The following HDAC9 variants were observed in gnomAD, a reference collection of about 807,000 sequenced individuals.
HDAC9 encodes histone deacetylase 9.
A neutral mutation model predicts 139.4 loss-of-function variants in HDAC9; 41 were observed. The ratio of observed to expected loss-of-function variants is 0.29; its 90% CI spans 0.23 to 0.38. The LOEUF (loss-of-function observed/expected upper bound fraction) is 0.38, where lower values mean the gene tolerates loss of function less well. HDAC9 is among the 10% of genes least tolerant of loss of function. HDAC9 has a pLI of 1.00. For missense variants in HDAC9, 1,147 were observed against 1,297.0 expected, an observed-to-expected ratio of 0.88 and a Z score of 1.78; for synonymous variants, 517 against 476.2, an observed-to-expected ratio of 1.09 and a Z score of -1.12.
At chr7:18,263,904 C>T (rs184593031) in intron 2 of HDAC9, among the ~76,000 whole-genome samples, 141 of 152,222 alleles carry the variant, frequency 9.3e-4, no homozygotes, top group Non-Finnish European at 1.7e-3. Flanking sequence ...CAGGTGTAAG[C>T]CACCACGTGG....
At chr7:18,872,949 C>T (rs896730582) in intron 21 of HDAC9, among the ~76,000 whole-genome samples, 1 of 152,116 alleles carries the variant, frequency 6.6e-6, no homozygotes, top group Non-Finnish European at 1.5e-5. Flanking sequence ...CATCCATTCT[C>T]TAAAGGAGTA....
In HDAC9 at chr7:18,342,050, A is replaced by G. The variant is rs117889281; in HGVS notation, c.-42+51535A>G. 6.5e-3 allele frequency among the ~76,000 whole-genome samples: 984 copies of G among 151,920 alleles called. 7 individuals carry two copies. Among genetic ancestry groups the G allele is most frequent in the Admixed American group, 0.012 (180 of 15,186 alleles). On this transcript the variant is annotated intron_variant, in intron 1 of 3. Coordinates refer to the HDAC9 transcript ENST00000413509. ...CATTTCTAGCTTTTTGTGACCATAA[A>G]GAACTATTACCTTTAATTCTTTAGG...
At chr7:18,577,631 CTTTTTA>C (rs1826400612) in intron 2 of HDAC9, among the ~76,000 whole-genome samples, 1 of 152,256 alleles carries the variant, frequency 6.6e-6, no homozygotes. Context: ...CCACATTATA[CTTTTTA>C]TTTTTATTTC....
At chr7:18,414,351 T>C (rs1294530704) in intron 1 of HDAC9, among the ~76,000 whole-genome samples, 1 of 151,314 alleles carries the variant, frequency 6.6e-6, no homozygotes, top group African/African-American at 2.4e-5. Context: ...TTTTTTCTTA[T>C]CAAATAATAG....
chr7:18,310,809 TACACACACACACACACAC>T (rs71847714), intron 1 of HDAC9, among the ~76,000 whole-genome samples: 1 of 143,132 alleles, frequency 7.0e-6, no homozygotes, highest in Non-Finnish European at 1.5e-5. Flanking sequence ...ACAAATCCAT[TACACACACACACACACAC>T]ACACACACAC....
At chr7:18,810,891 G>A (rs1374353265) in intron 17 of HDAC9, among the ~76,000 whole-genome samples, 1 of 151,680 alleles carries the variant, frequency 6.6e-6, no homozygotes, top group Admixed American at 6.6e-5. Flanking sequence ...GAACTAATTT[G>A]TTGATTCATT....
intron 22 of HDAC9, among the ~76,000 whole-genome samples, chr7:18,874,969 A>T (rs1799209789): frequency 6.6e-6 from 1 of 152,204 alleles, no homozygotes; most frequent in South Asian, 2.1e-4. Flanking sequence ...GTTCCATTGT[A>T]CATGGGATAA....
chr7:18,852,553 G>A (rs1230535617), intron 21 of HDAC9, among the ~76,000 whole-genome samples: 3 of 152,192 alleles, frequency 2.0e-5, no homozygotes, highest in Non-Finnish European at 4.4e-5. Flanking sequence ...ATGTGAGTGA[G>A]GGACTTTGAA....
At chr7:18,514,445 T>C (rs182477951) in intron 2 of HDAC9, among the ~76,000 whole-genome samples, 34 of 152,340 alleles carry the variant, frequency 2.2e-4, no homozygotes, top group East Asian at 1.2e-3. Flanking sequence ...CAATTTAAAA[T>C]TGTATTTCAC....
At chr7:18,714,020 G>C (rs1319680298) in intron 12 of HDAC9, among the ~76,000 whole-genome samples, 1 of 152,136 alleles carries the variant, frequency 6.6e-6, no homozygotes, top group African/African-American at 2.4e-5. Flanking sequence ...AATTAGATTA[G>C]TCTTTTTTGC....
chr7:18,631,542 G>A (rs151314286), intron 7 of HDAC9, among the ~76,000 whole-genome samples: 2 of 151,896 alleles, frequency 1.3e-5, no homozygotes, highest in Non-Finnish European at 2.9e-5. Context: ...GAGCAGTTCA[G>A]TTGCTTTTGC....
chr7:18,607,524 C>G (rs1268687888), intron 6 of HDAC9, among the ~76,000 whole-genome samples: 1 of 152,080 alleles, frequency 6.6e-6, no homozygotes, highest in African/African-American at 2.4e-5. Context: ...TGACATGGGT[C>G]TCAGTACATA....
intron 14 of HDAC9, among the ~76,000 whole-genome samples, chr7:18,753,368 A>G (rs959852705): frequency 1.8e-4 from 27 of 152,086 alleles, no homozygotes; most frequent in African/African-American, 6.0e-4. Context: ...AGAGGAGGTA[A>G]TGTTACATGT....
chr7:18,400,377 G>A (rs576091146), intron 1 of HDAC9, among the ~76,000 whole-genome samples: 8 of 152,282 alleles, frequency 5.3e-5, no homozygotes, highest in Admixed American at 5.2e-4. Flanking sequence ...GATTGACAGG[G>A]AAGAGGACAT....
chr7:18,104,354 C>A (rs978579944), intron 1 of HDAC9, among the ~76,000 whole-genome samples: 8 of 151,934 alleles, frequency 5.3e-5, no homozygotes, highest in African/African-American at 1.7e-4. Flanking sequence ...CAAAGGCCTT[C>A]ATTTTTTTAA....
chr7:18,180,570 C>T lies in HDAC9; in HGVS notation c.25+18221C>T, dbSNP rs150375605. ...ACTCAATGGGCTGTATAACATGTGGCAGGTAGCAGAGTAAATTGGAAAGAA... is the reference window on the plus strand; with the variant it reads ...ACTCAATGGGCTGTATAACATGTGGTAGGTAGCAGAGTAAATTGGAAAGAA... On this transcript the variant is annotated intron_variant, in intron 2 of 12. Transcript: ENST00000417496. Among the ~76,000 whole-genome samples, 423 of 152,098 alleles carry T rather than the reference C, an allele frequency of 2.8e-3. 4 individuals carry two copies. The highest frequency in any genetic ancestry group is 9.8e-3 in the African/African-American group (406 of 41,478).
At chr7:18,991,489 T>A (rs1005868659) in intron 25 of HDAC9, among the ~76,000 whole-genome samples, 1 of 151,994 alleles carries the variant, frequency 6.6e-6, no homozygotes, top group African/African-American at 2.4e-5. Context: ...TACAAAAAAT[T>A]AGCCAGGTGT....
intron 11 of HDAC9, among the ~76,000 whole-genome samples, chr7:18,665,159 C>T (rs1288187542): frequency 2.0e-5 from 3 of 152,092 alleles, no homozygotes; most frequent in Non-Finnish European, 4.4e-5. Flanking sequence ...ATGAATTTGA[C>T]AAAGAAAAAT....
At chr7:18,309,319 C>T (rs554180657) in intron 1 of HDAC9, among the ~76,000 whole-genome samples, 85 of 152,186 alleles carry the variant, frequency 5.6e-4, no homozygotes, top group Non-Finnish European at 1.0e-3. Context: ...TTACATAGTT[C>T]GAGGAACTGC....
Sources: allele counts gnomAD v4.1 joint callset (sites outside exome capture counted in the v4.1 genomes callset), GRCh38; gene constraint gnomAD v4.1.1; transcripts MANE v1.5; gene names NCBI Gene and HGNC (gene_info 2026-07-23, HGNC 2026-07-21).